The following IL1RAPL2 variants were observed in gnomAD, a reference collection of about 807,000 sequenced individuals.
IL1RAPL2 encodes interleukin 1 receptor accessory protein like 2.
IL1RAPL2 carries 3 observed loss-of-function variants against 44.1 expected under a neutral mutation model. The observed-to-expected ratio is 0.07, with a 90% CI of 0.03 to 0.18. The LOEUF (loss-of-function observed/expected upper bound fraction) is 0.18, where lower values mean the gene tolerates loss of function less well. Among genes scored for constraint, IL1RAPL2 ranks in the 10% least tolerant of loss-of-function variants. The pLI is 1.00. For missense variants in IL1RAPL2, 391 were observed against 496.4 expected (o/e 0.79, Z 2.02); for synonymous variants, 181 against 178.8 (o/e 1.01, Z -0.10).
chrX:105,394,340 C>T (rs1178715224), intron 5 of IL1RAPL2, among the ~76,000 whole-genome samples: 1 of 112,078 alleles, frequency 8.9e-6, no homozygotes, highest in Non-Finnish European at 1.9e-5. Flanking sequence ...CTCCTTATTG[C>T]ATTTTGAATG....
At chrX:104,803,126 A>T (rs946121255) in intron 2 of IL1RAPL2, among the ~76,000 whole-genome samples, 1 of 111,802 alleles carries the variant, frequency 8.9e-6, no homozygotes, top group Non-Finnish European at 1.9e-5. Context: ...GAGGTGATGG[A>T]TTCATTAAGT....
At chrX:104,925,998 G>T (rs1252147422) in intron 2 of IL1RAPL2, among the ~76,000 whole-genome samples, 1 of 112,031 alleles carries the variant, frequency 8.9e-6, no homozygotes, top group Non-Finnish European at 1.9e-5. Flanking sequence ...CAGCAGTTTC[G>T]AGATACAAAA....
chrX:105,397,067 C>T (rs1451389977), intron 5 of IL1RAPL2, among the ~76,000 whole-genome samples: 1 of 110,703 alleles, frequency 9.0e-6, no homozygotes, highest in East Asian at 2.9e-4. Flanking sequence ...ATCTAGGTTG[C>T]ATGCTCCTTA....
At chrX:105,048,408 A>G (rs1221745951) in intron 2 of IL1RAPL2, among the ~76,000 whole-genome samples, 1 of 112,338 alleles carries the variant, frequency 8.9e-6, no homozygotes, top group East Asian at 2.8e-4. Flanking sequence ...ATGTAATTTT[A>G]AAATTTCTGG....
intron 1 of IL1RAPL2, chrX:104,647,811 GT>G: frequency 3.7e-6 from 2 of 544,417 alleles, no homozygotes; most frequent in Admixed American, 4.7e-5. Flanking sequence ...AAGATAATTG[GT>G]TTCTGTACCC....
chrX:105,729,651 C>CTAT (rs1423001230), intron 7 of IL1RAPL2, among the ~76,000 whole-genome samples: 1 of 109,961 alleles, frequency 9.1e-6, no homozygotes. Context: ...TATGGCTTAG[C>CTAT]TATTTATTCT....
At chrX:105,175,830 T>A (rs979201935) in intron 2 of IL1RAPL2, among the ~76,000 whole-genome samples, 6 of 111,125 alleles carry the variant, frequency 5.4e-5, no homozygotes, top group African/African-American at 2.0e-4. Flanking sequence ...AAATTATTAA[T>A]TAAAACTGTG....
intron 2 of IL1RAPL2, among the ~76,000 whole-genome samples, chrX:104,672,547 CA>C (rs1241231188): frequency 9.7e-5 from 10 of 103,191 alleles, no homozygotes; most frequent in Admixed American, 5.3e-4. Flanking sequence ...AATAATGCCG[CA>C]ATAAACATAC....
intron 2 of IL1RAPL2, among the ~76,000 whole-genome samples, chrX:104,726,811 GCC>G (rs2147568183): frequency 9.0e-6 from 1 of 110,596 alleles, no homozygotes; most frequent in Non-Finnish European, 1.9e-5. Flanking sequence ...GGCTGCGATA[GCC>G]TCATAGTATA....
chrX:105,726,336 G>A (rs759918572), intron 7 of IL1RAPL2, among the ~76,000 whole-genome samples: 2 of 111,675 alleles, frequency 1.8e-5, no homozygotes, highest in East Asian at 5.7e-4. Flanking sequence ...CTGCCCTTTA[G>A]TGATTGAGGG....
intron 1 of IL1RAPL2, among the ~76,000 whole-genome samples, chrX:104,596,395 TC>T (rs1928764973): frequency 9.0e-6 from 1 of 111,443 alleles, no homozygotes; most frequent in African/African-American, 3.3e-5. Context: ...GTTTTTCCCA[TC>T]CAAGTTCACA....
At chrX:105,519,257 A>T (rs1305897497) in intron 6 of IL1RAPL2, among the ~76,000 whole-genome samples, 2 of 112,097 alleles carry the variant, frequency 1.8e-5, no homozygotes, top group African/African-American at 6.5e-5. Context: ...AGACCATAAA[A>T]GATCCTATAC....
At chrX:105,142,958 C>T (rs1312051261) in intron 2 of IL1RAPL2, among the ~76,000 whole-genome samples, 1 of 110,975 alleles carries the variant, frequency 9.0e-6, no homozygotes, top group Non-Finnish European at 1.9e-5. Flanking sequence ...GACATGAACT[C>T]ATCATTTTTT....
At chrX:105,046,836 T>TTGG (rs1556036881) in intron 2 of IL1RAPL2, among the ~76,000 whole-genome samples, 4 of 99,414 alleles carry the variant, frequency 4.0e-5, no homozygotes, top group African/African-American at 1.5e-4. Context: ...TTTTTTTTTT[T>TTGG]GGGGGGGTGC....
At chrX:104,677,661 C>G (rs1930801807) in intron 2 of IL1RAPL2, among the ~76,000 whole-genome samples, 1 of 112,680 alleles carries the variant, frequency 8.9e-6, no homozygotes, top group Admixed American at 9.3e-5. Context: ...TTTACCTAAT[C>G]AAGCCTAGGC....
chrX:104,896,046 C>T (rs184087335), intron 2 of IL1RAPL2, among the ~76,000 whole-genome samples: 8 of 111,670 alleles, frequency 7.2e-5, no homozygotes, highest in Non-Finnish European at 1.5e-4. Flanking sequence ...TGTTTTTATA[C>T]TGACCAGTCA....
At chrX:105,395,299 C>A (rs1465314048) in intron 5 of IL1RAPL2, among the ~76,000 whole-genome samples, 2 of 109,371 alleles carry the variant, frequency 1.8e-5, no homozygotes, top group Non-Finnish European at 3.8e-5. Flanking sequence ...AGTCTGCCCC[C>A]TCTGAGGCTG....
chrX:104,657,896 G>A (rs1335337673), intron 1 of IL1RAPL2, among the ~76,000 whole-genome samples: 1 of 112,215 alleles, frequency 8.9e-6, no homozygotes, highest in Non-Finnish European at 1.9e-5. Context: ...TCAGAGAAAT[G>A]CAAATCAAAA....
intron 2 of IL1RAPL2, among the ~76,000 whole-genome samples, chrX:104,680,764 A>G (rs942763645): frequency 1.8e-5 from 2 of 112,132 alleles, no homozygotes; most frequent in African/African-American, 6.5e-5. Flanking sequence ...AAATGAGGGC[A>G]GTCTACTTCC....
Sources: allele counts gnomAD v4.1 joint callset (sites outside exome capture counted in the v4.1 genomes callset), GRCh38; gene constraint gnomAD v4.1.1; transcripts MANE v1.5; gene names NCBI Gene and HGNC (gene_info 2026-07-23, HGNC 2026-07-21).